Variants in UIMC1 observed in about 807,000 individuals in gnomAD.
UIMC1 encodes the protein ubiquitin interaction motif containing 1, also known as BRCA1-A complex subunit RAP80.
A neutral mutation model predicts 84.9 loss-of-function variants in UIMC1; 42 were observed. That is an observed-to-expected ratio of 0.49 (90% CI 0.39 to 0.64). The LOEUF (loss-of-function observed/expected upper bound fraction) is 0.64. Among genes scored for constraint, UIMC1 ranks in the 30% least tolerant of loss-of-function variants. The pLI is 0.00. For synonymous variants in UIMC1, 281 were observed against 293.0 expected, an observed-to-expected ratio of 0.96 and a Z score of 0.42; for missense variants, 825 against 847.6, an observed-to-expected ratio of 0.97 and a Z score of 0.33.
chr5:176,970,741 C>CA lies in UIMC1; in HGVS notation c.357dup (p.Ser120Ter), dbSNP rs770241939. 6.2e-7 allele frequency: 1 copy of CA among 1,614,068 alleles called. No homozygotes were observed. The highest frequency in any genetic ancestry group is 8.5e-7 in the Non-Finnish European group (1 of 1,180,016). On this transcript the variant is annotated frameshift_variant and splice_region_variant. Transcript: ENST00000511320. LOFTEE classifies it high-confidence loss of function. ...AAACTTTTGCAACATGGCATATTTACATTCAGGCTTTCAGCAATGGCTTTC... is the reference window on the plus strand; with the variant it reads ...AAACTTTTGCAACATGGCATATTTACAATTCAGGCTTTCAGCAATGGCTTTC...
intron 1 of UIMC1, among the ~76,000 whole-genome samples, chr5:176,984,036 C>T (rs1434088857): frequency 5.6e-4 from 66 of 118,456 alleles, no homozygotes; most frequent in African/African-American, 1.8e-3. Context: ...TCTGCCCGGC[C>T]GCCCCGTCTG....
chr5:176,949,458 T>C (rs543577663), intron 9 of UIMC1, among the ~76,000 whole-genome samples: 2 of 152,346 alleles, frequency 1.3e-5, no homozygotes, highest in Admixed American at 6.5e-5. Flanking sequence ...TTCTTCTGTA[T>C]GTTAGGATGA....
intron 1 of UIMC1, among the ~76,000 whole-genome samples, chr5:176,984,776 TA>T (rs1272432994): frequency 2.6e-5 from 4 of 152,226 alleles, no homozygotes; most frequent in African/African-American, 9.6e-5. Flanking sequence ...GGGATGCTGT[TA>T]ATCTATAACC....
chr5:177,022,526 T>A, exon 1 of UIMC1: 1 of 533,110 alleles, frequency 1.9e-6, no homozygotes, highest in Non-Finnish European at 3.2e-6. Flanking sequence ...GGGGGGTCAC[T>A]GCTGCGGAAT....
At chr5:176,939,194 T>C (rs1253008009) in intron 10 of UIMC1, among the ~76,000 whole-genome samples, 4 of 149,676 alleles carry the variant, frequency 2.7e-5, no homozygotes, top group Admixed American at 2.0e-4. Flanking sequence ...GAGGCAGAGG[T>C]TGCAATGAGC....
chr5:177,012,168 A>G (rs1472292723), intron 1 of UIMC1, among the ~76,000 whole-genome samples: 1 of 152,128 alleles, frequency 6.6e-6, no homozygotes, highest in Non-Finnish European at 1.5e-5. Flanking sequence ...CCTAGCATCG[A>G]ATCTCAATTG....
Position 176,956,044 on chromosome 5 carries a change from G to T in UIMC1, c.1263-9C>A. The T allele has an allele frequency of 1.2e-6, 2 of 1,611,644 alleles. No individual in the cohort carries two copies. Among genetic ancestry groups the T allele is most frequent in the Non-Finnish European group, 1.7e-6 (2 of 1,178,934 alleles). Reference sequence around the variant, plus strand: ...TGGTCAAAGCAGCAACACTGAAAGAGAACCAAATCCCAAATGAATTCCCAG... The same window carrying T: ...TGGTCAAAGCAGCAACACTGAAAGATAACCAAATCCCAAATGAATTCCCAG... On this transcript the variant is annotated splice_polypyrimidine_tract_variant and intron_variant, in intron 7 of 14. Transcript: ENST00000511320.
intron 10 of UIMC1, among the ~76,000 whole-genome samples, chr5:176,931,282 TAA>T (rs1349094176): frequency 6.6e-6 from 1 of 152,212 alleles, no homozygotes; most frequent in African/African-American, 2.4e-5. Context: ...TGCCTGAATT[TAA>T]AAGTGTGACT....
chr5:176,939,260 A>G (rs1764119629), intron 10 of UIMC1, among the ~76,000 whole-genome samples: 1 of 150,954 alleles, frequency 6.6e-6, no homozygotes, highest in South Asian at 2.1e-4. Context: ...CTGTCTCAAA[A>G]AAAAAAAAAA....
chr5:176,954,712 C>T (rs866352607), intron 8 of UIMC1, among the ~76,000 whole-genome samples: 6 of 148,842 alleles, frequency 4.0e-5, no homozygotes, highest in Non-Finnish European at 7.4e-5. Context: ...GCCATGACTG[C>T]GCCACTGCAC....
chr5:176,987,888 G>C (rs1221929714), intron 1 of UIMC1, among the ~76,000 whole-genome samples: 3 of 151,506 alleles, frequency 2.0e-5, no homozygotes, highest in African/African-American at 7.3e-5. Flanking sequence ...CCAAAACTCT[G>C]AGAGGCCAAG....
chr5:176,945,436 T>C (rs148608973), intron 9 of UIMC1, among the ~76,000 whole-genome samples: 1 of 152,326 alleles, frequency 6.6e-6, no homozygotes, highest in East Asian at 1.9e-4. Context: ...ATGCTCCTGA[T>C]TATTGTAAAT....
chr5:176,952,295 G>C (rs1185045815), intron 8 of UIMC1, among the ~76,000 whole-genome samples: 2 of 152,192 alleles, frequency 1.3e-5, no homozygotes, highest in South Asian at 2.1e-4. Context: ...ATACATTCTA[G>C]ACAAAGATAT....
chr5:177,021,567 G>A lies in UIMC1; in HGVS notation c.-9+897C>T, dbSNP rs557505754. On this transcript the variant is annotated intron_variant, in intron 1 of 5. Coordinates refer to the UIMC1 transcript ENST00000509236. ...CCTGGATAACTGGGACAGGAATTAA[G>A]GAGTTGGGGACTGAGTAACACATCA... Among the ~76,000 whole-genome samples, 27 of 152,256 alleles carry A rather than the reference G, an allele frequency of 1.8e-4. 1 individual carries two copies. The South Asian group carries it at 3.9e-3, about 22-fold the overall frequency.
rs562174016 is a variant in UIMC1 at position 176,911,063 on chromosome 5, T to TG, written c.1676+247dup. 9.4e-4 allele frequency among the ~76,000 whole-genome samples: 131 copies of TG among 139,450 alleles called. 2 individuals carry two copies. Among genetic ancestry groups the TG allele is most frequent in the South Asian group, 9.3e-3 (42 of 4,514 alleles). 91.5% of individuals were successfully genotyped at this position (139,450 alleles called of 152,430 possible). On this transcript the variant is annotated intron_variant, in intron 11 of 14. Transcript: ENST00000511320. ...GAGATTACGCCATTGCACTCCAGCC[T>TG]GGGCAAGAAGAGTGAAACTTCATCT...
At chr5:176,984,581 C>T (rs1771666099) in intron 1 of UIMC1, among the ~76,000 whole-genome samples, 2 of 151,786 alleles carry the variant, frequency 1.3e-5, no homozygotes, top group Non-Finnish European at 2.9e-5. Flanking sequence ...GAGGTGTACC[C>T]AACAGCTCCG....
At chr5:176,967,326 G>A (rs1768456771) in intron 6 of UIMC1, among the ~76,000 whole-genome samples, 1 of 151,626 alleles carries the variant, frequency 6.6e-6, no homozygotes, top group Admixed American at 6.6e-5. Flanking sequence ...TTTATATACT[G>A]TTATGTAATG....
intron 1 of UIMC1, among the ~76,000 whole-genome samples, chr5:177,005,785 G>A (rs761026026): frequency 4.6e-5 from 7 of 151,936 alleles, no homozygotes; most frequent in Admixed American, 2.0e-4. Flanking sequence ...ATCTCGGTGC[G>A]ATGTAGTGAT....
At chr5:177,015,414 T>C (rs778667351) in intron 1 of UIMC1, among the ~76,000 whole-genome samples, 2 of 152,186 alleles carry the variant, frequency 1.3e-5, no homozygotes, top group Non-Finnish European at 2.9e-5. Context: ...GTTCAAGATA[T>C]GACGGCTATC....
Sources: allele counts gnomAD v4.1 joint callset (sites outside exome capture counted in the v4.1 genomes callset), GRCh38; gene constraint gnomAD v4.1.1; transcripts MANE v1.5; gene names NCBI Gene and HGNC (gene_info 2026-07-23, HGNC 2026-07-21).